The following ABCA4 variants were observed in gnomAD, a reference collection of about 807,000 sequenced individuals.
ABCA4 encodes retinal-specific phospholipid-transporting ATPase ABCA4.
ABCA4 carries 196 observed loss-of-function variants against 263.7 expected under a neutral mutation model. The ratio of observed to expected loss-of-function variants is 0.74; its 90% CI spans 0.66 to 0.84. The LOEUF is 0.84. Ranked by LOEUF, ABCA4 falls within the 40% of genes least tolerant of loss-of-function variation. The pLI is 0.00. For synonymous variants in ABCA4, 1,133 were observed against 1,094.2 expected (o/e 1.04, Z -0.70); for missense variants, 2,792 against 2,855.1 (o/e 0.98, Z 0.50).
At chr1:94,120,238 C>T (rs1264588635) in intron 1 of ABCA4, among the ~76,000 whole-genome samples, 7 of 152,172 alleles carry the variant, frequency 4.6e-5, no homozygotes, top group African/African-American at 1.4e-4. Flanking sequence ...GGTCTCCAAA[C>T]GTACTTTGGG....
At chr1:94,089,031 C>T (rs1201135260) in intron 6 of ABCA4, among the ~76,000 whole-genome samples, 5 of 152,216 alleles carry the variant, frequency 3.3e-5, no homozygotes, top group African/African-American at 1.2e-4. Flanking sequence ...TTCTCTCCAT[C>T]CCCTCTCCTT....
intron 6 of ABCA4, among the ~76,000 whole-genome samples, chr1:94,097,605 C>T (rs1662157204): frequency 1.3e-5 from 2 of 152,306 alleles, no homozygotes; most frequent in South Asian, 4.1e-4. Context: ...GAAAGTGTGG[C>T]CTACAATGGT....
In ABCA4 at chr1:94,051,665, A is replaced by G. The variant is rs1660843878; in HGVS notation, c.2621T>C (p.Leu874Pro). 1 of 1,614,118 alleles carries G rather than the reference A, an allele frequency of 6.2e-7. No homozygotes were observed. The highest frequency in any genetic ancestry group is 1.7e-5 in the Admixed American group (1 of 60,038). The stretch of plus-strand genomic sequence containing the variant: ...GCCAAGCCAATACGACTCTTGTAGA[A>G]GAAAGTACCAAGGAAGTGGGGTTCC... ...DYGTPLPWYF[L>P]LQESYWLGGE... is the part of the protein sequence containing the mutation. The change falls in exon 17 of 50, where the codon CTT becomes CCT. Residue 874 changes from leucine (L) to proline (P), a missense_variant. Leu to Pro is a moderately conservative substitution (Grantham distance 98). Transcript: ENST00000370225.
chr1:94,108,253 G>A (rs186925561), intron 4 of ABCA4, among the ~76,000 whole-genome samples: 4 of 152,226 alleles, frequency 2.6e-5, no homozygotes, highest in Admixed American at 6.5e-5. Context: ...ATATCTTTAC[G>A]AAACTCTGTA....
In ABCA4 at chr1:94,109,622, T is replaced by C. The variant is rs746913024; in HGVS notation, c.303-906A>G. Among the ~76,000 whole-genome samples the C allele has an allele frequency of 5.1e-4, 77 of 152,084 alleles. 1 individual carries two copies. The highest frequency in any genetic ancestry group is 1.1e-3 in the Non-Finnish European group (72 of 68,022). ...TTGAGGAGCAGGGGAGACTGGTCCATGGAGAGAGGTGAATGGAGTAGATAC... is the reference window on the plus strand; with the variant it reads ...TTGAGGAGCAGGGGAGACTGGTCCACGGAGAGAGGTGAATGGAGTAGATAC... On this transcript the variant is annotated intron_variant, in intron 3 of 49. Coordinates refer to ENST00000370225, the MANE Select transcript of ABCA4 (RefSeq NM_000350.3).
At chr1:94,086,853 C>T (rs946920033) in intron 6 of ABCA4, among the ~76,000 whole-genome samples, 1 of 152,064 alleles carries the variant, frequency 6.6e-6, no homozygotes, top group Non-Finnish European at 1.5e-5. Flanking sequence ...GGGTTCCCTC[C>T]AAGAATACGA....
At chr1:94,022,200 C>G (rs566503106) in intron 32 of ABCA4, among the ~76,000 whole-genome samples, 1 of 152,344 alleles carries the variant, frequency 6.6e-6, no homozygotes. Context: ...CCAACTTCAT[C>G]CTTCCTCAGC....
At chr1:94,009,994 A>C (rs1042372958) in intron 40 of ABCA4, among the ~76,000 whole-genome samples, 1 of 152,226 alleles carries the variant, frequency 6.6e-6, no homozygotes, top group Non-Finnish European at 1.5e-5. Flanking sequence ...CAGTCCTGTG[A>C]GTAGAAAGGC....
intron 26 of ABCA4, among the ~76,000 whole-genome samples, chr1:94,034,513 A>T (rs1660291990): frequency 6.6e-6 from 1 of 151,960 alleles, no homozygotes; most frequent in Admixed American, 6.6e-5. Flanking sequence ...GCATTGTGTG[A>T]CCCCAATGCA....
At chr1:94,068,701 A>C (rs1661334825) in intron 11 of ABCA4, among the ~76,000 whole-genome samples, 1 of 152,224 alleles carries the variant, frequency 6.6e-6, no homozygotes, top group Non-Finnish European at 1.5e-5. Flanking sequence ...GTAACTATGC[A>C]ATCATGAATG....
intron 45 of ABCA4, chr1:94,001,421 A>G: frequency 2.0e-6 from 1 of 506,010 alleles, no homozygotes; most frequent in Non-Finnish European, 3.6e-6. Flanking sequence ...CAGGGAGGTC[A>G]CTCAGGTCAC....
rs187406128 is a variant in ABCA4, at chr1:94,037,607, G to A, written c.3608-257C>T. Among the ~76,000 whole-genome samples, 254 of 152,098 alleles carry A rather than the reference G, an allele frequency of 1.7e-3. 4 individuals carry two copies. Among genetic ancestry groups the A allele is most frequent in the Admixed American group, 0.015 (230 of 15,278 alleles). On this transcript the variant is annotated intron_variant, in intron 24 of 49. Transcript: ENST00000370225. ...GCTAGCTGTGCAACCTGGGGGCGGA[G>A]GTTGGTGGGGGGGTCATGCAACTTT...
rs769882474 is a variant in ABCA4 at position 94,037,138 on chromosome 1, A to G, written c.3813+7T>C. On this transcript the variant is annotated splice_region_variant and intron_variant, in intron 25 of 49. Coordinates refer to ENST00000370225, the MANE Select transcript of ABCA4 (RefSeq NM_000350.3). ...TTGACAGAAACCAGCTGGAATCTCT[A>G]CTTTACCTCTTCCAGGGGAGTGTCA... 4.6e-5 allele frequency: 75 copies of G among 1,613,596 alleles called. No individual in the cohort carries two copies. The South Asian group carries it at 7.7e-4, about 17-fold the overall frequency.
chr1:94,022,502 C>T (rs1047884494), intron 32 of ABCA4, among the ~76,000 whole-genome samples: 3 of 152,180 alleles, frequency 2.0e-5, no homozygotes, highest in Non-Finnish European at 2.9e-5. Flanking sequence ...CTGTGCCTCA[C>T]ACCTGTTCAG....
At position 94,080,641 on chromosome 1, in the gene ABCA4, A is replaced by G; in HGVS notation, c.936T>C (p.Phe312=). The G allele has an allele frequency of 6.2e-7, 1 of 1,614,110 alleles. No homozygotes were observed. Among genetic ancestry groups the G allele is most frequent in the South Asian group, 1.1e-5 (1 of 91,066 alleles). Residue 312 remains phenylalanine (F), a synonymous_variant, in exon 8 of 50, where the codon TTT becomes TTC. Coordinates refer to ENST00000370225, the MANE Select transcript of ABCA4 (RefSeq NM_000350.3). ...CAGACAGGATGCCCATCAGCTTTGT[A>G]AAGGTCTCTGGACCACCATTCTGCA... ...PLMQNGGPET[F]TKLMGILSDL...
intron 17 of ABCA4, among the ~76,000 whole-genome samples, chr1:94,050,641 A>G (rs1660811012): frequency 6.6e-6 from 1 of 152,130 alleles, no homozygotes; most frequent in South Asian, 2.1e-4. Context: ...CTGTGTTGAA[A>G]TTTTTCATTT....
chr1:94,113,131 A>G (rs1662659356), intron 1 of ABCA4, 65 bp from the exon 2 acceptor site: 3 of 1,490,522 alleles, frequency 2.0e-6, no homozygotes, highest in African/African-American at 1.4e-5. Context: ...AAACGTAACC[A>G]GAGCAGACAC....
chr1:94,120,823 A>G (rs1662926142), intron 1 of ABCA4, among the ~76,000 whole-genome samples, 157 bp downstream of exon 1: 1 of 152,174 alleles, frequency 6.6e-6, no homozygotes, highest in Non-Finnish European at 1.5e-5. Flanking sequence ...AAGGCCGTCC[A>G]GCTAAACACT....
chr1:94,042,983 T>G, intron 21 of ABCA4, 85 bp from the exon 22 acceptor site: 4 of 1,570,486 alleles, frequency 2.5e-6, no homozygotes, highest in African/African-American at 1.3e-5. Flanking sequence ...ATTGTGGGGG[T>G]ACCTTAACCC....
Sources: gnomAD v4.1 joint callset for allele counts (sites outside exome capture counted in the v4.1 genomes callset) on GRCh38, gnomAD v4.1.1 for gene constraint, MANE v1.5 for transcripts, NCBI Gene and HGNC (gene_info 2026-07-23, HGNC 2026-07-21) for gene names.